RYR3: variants seen among roughly 807,000 people sequenced by gnomAD.
RYR3 encodes ryanodine receptor 3, also known as brain ryanodine receptor-calcium release channel.
RYR3 carries 207 observed loss-of-function variants against 584.3 expected under a neutral mutation model. The ratio of observed to expected loss-of-function variants is 0.35; its 90% CI spans 0.32 to 0.40. RYR3 has a LOEUF of 0.40. Among genes scored for constraint, RYR3 ranks in the 10% least tolerant of loss-of-function variants. The pLI is 1.00. For missense variants in RYR3, 5,616 were observed against 6,089.2 expected (o/e 0.92, Z 2.59); for synonymous variants, 2,416 against 2,248.5 (o/e 1.07, Z -2.11).
At chr15:33,395,354 C>T (rs1009288783) in intron 1 of RYR3, among the ~76,000 whole-genome samples, 3 of 152,154 alleles carry the variant, frequency 2.0e-5, no homozygotes, top group African/African-American at 7.2e-5. Flanking sequence ...ACCCACAGTC[C>T]CTGGAGCACT....
chr15:33,808,256 G>A (rs1481084384), intron 70 of RYR3, among the ~76,000 whole-genome samples: 1 of 152,216 alleles, frequency 6.6e-6, no homozygotes, highest in African/African-American at 2.4e-5. Flanking sequence ...TACTTGCTAT[G>A]TGATCTTGGA....
rs780150644 is a variant in RYR3 at position 33,580,049 on chromosome 15, G to A, written c.1342G>A (p.Ala448Thr). The change falls in exon 13 of 104, where the codon GCC (alanine) becomes ACC (threonine). Residue 448 changes from alanine (A) to threonine (T), a missense_variant. Around this residue, in one of 9 missense-constraint regions of RYR3, gnomAD observed 1,284 missense variants for 1,344.6 expected, o/e 0.95. Coordinates refer to ENST00000634891, the MANE Select transcript of RYR3 (RefSeq NM_001036.6). The stretch of plus-strand genomic sequence containing the variant: ...CCTGCAGACCCTACAGGACTTGATC[G>A]CCTACTTCCAGCCCCCAGAGGAGGA... ...EVLQTLQDLI[A>T]YFQPPEEEMR... 4.2e-5 allele frequency: 68 copies of A among 1,613,546 alleles called. No individual in the cohort carries two copies. Among genetic ancestry groups the A allele is most frequent in the Non-Finnish European group, 5.1e-5 (60 of 1,179,744 alleles).
chr15:33,827,113 T>C (rs1241749325), intron 84 of RYR3, 86 bp from the exon 85 acceptor site: 5 of 1,084,052 alleles, frequency 4.6e-6, no homozygotes, highest in Non-Finnish European at 6.9e-6. Flanking sequence ...TCACATAGAA[T>C]GTCTTATCTG....
chr15:33,614,876 A>G (rs2060373794), intron 19 of RYR3, among the ~76,000 whole-genome samples: 1 of 152,140 alleles, frequency 6.6e-6, no homozygotes, highest in South Asian at 2.1e-4. Context: ...AGTACCACCT[A>G]GAGATAATCA....
At chr15:33,786,545 A>G (rs149853699) in intron 66 of RYR3, among the ~76,000 whole-genome samples, 8 of 151,492 alleles carry the variant, frequency 5.3e-5, no homozygotes, top group South Asian at 2.1e-4. Flanking sequence ...AATGAATGCT[A>G]TTAGCCAATT....
intron 12 of RYR3, among the ~76,000 whole-genome samples, chr15:33,575,302 C>T (rs953537326): frequency 2.6e-5 from 4 of 152,164 alleles, no homozygotes; most frequent in South Asian, 2.1e-4. Flanking sequence ...TAACTCTCCA[C>T]GCAAAAACAA....
intron 86 of RYR3, among the ~76,000 whole-genome samples, chr15:33,831,828 C>G (rs2077695622): frequency 6.6e-6 from 1 of 151,946 alleles, no homozygotes; most frequent in Non-Finnish European, 1.5e-5. Flanking sequence ...CTTCAGATTA[C>G]CATAATCAGG....
intron 70 of RYR3, 103 bp downstream of exon 70, chr15:33,807,672 A>C: frequency 8.1e-7 from 1 of 1,235,980 alleles, no homozygotes. Context: ...TAGAGAATGG[A>C]TTTTCCCGCC....
rs545099628 is a variant in RYR3, at chr15:33,832,250, C to T, written c.11463+1159C>T. 8.7e-4 allele frequency among the ~76,000 whole-genome samples: 87 copies of T among 99,472 alleles called. 1 individual carries two copies. The highest frequency in any genetic ancestry group is 2.6e-3 in the African/African-American group (85 of 32,412). 65.3% of individuals were successfully genotyped at this position (99,472 alleles called of 152,430 possible). A position where few individuals can be genotyped will look rare whatever the true frequency, so the allele number is the denominator to read the frequency against. Reference sequence around the variant, plus strand: ...CAGAGCTTGCTGTGAGCTGAGATCGCGCCGCCGCACTCCAACCTGGGCGAC... The same window carrying T: ...CAGAGCTTGCTGTGAGCTGAGATCGTGCCGCCGCACTCCAACCTGGGCGAC... On this transcript the variant is annotated intron_variant, in intron 86 of 103. Coordinates refer to ENST00000634891, the MANE Select transcript of RYR3 (RefSeq NM_001036.6).
chr15:33,725,154 T>TACACACACACACACACACACACACACAC, intron 45 of RYR3, among the ~76,000 whole-genome samples: 1 of 113,846 alleles, frequency 8.8e-6, no homozygotes, highest in Non-Finnish European at 1.8e-5. Context: ...TCCAACACCT[T>TACACACACACACACACACACACACACAC]ACACACACAC....
chr15:33,440,007 G>A (rs1322834688), intron 1 of RYR3, among the ~76,000 whole-genome samples: 1 of 152,162 alleles, frequency 6.6e-6, no homozygotes, highest in African/African-American at 2.4e-5. Context: ...TTGAGTCTAG[G>A]CTGGGCATGG....
At chr15:33,620,755 AC>A (rs1184693030) in intron 19 of RYR3, among the ~76,000 whole-genome samples, 2 of 151,890 alleles carry the variant, frequency 1.3e-5, no homozygotes, top group Admixed American at 1.3e-4. Context: ...CTTCTCACGG[AC>A]TCTGGGTAGT....
At position 33,859,669 on chromosome 15, in the gene RYR3, G is replaced by A. The variant is rs1165592216; in HGVS notation, c.14237G>A (p.Arg4746His). 2.5e-6 allele frequency: 4 copies of A among 1,613,810 alleles called. No homozygotes were observed. The highest frequency in any genetic ancestry group is 2.5e-6 in the Non-Finnish European group (3 of 1,179,820). Residue 4746 changes from arginine (R) to histidine (H), a missense_variant, in exon 100 of 104, where the codon CGC (arginine) becomes CAC (histidine). Physicochemically the swap from Arg to His is conservative, Grantham distance 29. Coordinates refer to ENST00000634891, the MANE Select transcript of RYR3 (RefSeq NM_001036.6). ...GCTGGTGATCCTTATGAAATGTATC[G>A]CATTGTCTTTGACATTACCTTTTTC... ...DPAGDPYEMYRIVFDITFFFF... is the reference protein window; with the variant it reads ...DPAGDPYEMYHIVFDITFFFF...
rs368923151 is a variant in RYR3 at position 33,663,533 on chromosome 15, G to A, written c.5419-4G>A. On this transcript the variant is annotated splice_region_variant and splice_polypyrimidine_tract_variant and intron_variant, in intron 35 of 103. Coordinates refer to ENST00000634891, the MANE Select transcript of RYR3 (RefSeq NM_001036.6). ...GTGTTATCTATATAATACTTTCATT[G>A]CAGATGTGTGAGCTCCTCAGCTATC... 2.5e-6 allele frequency: 4 copies of A among 1,612,934 alleles called. No homozygotes were observed. The highest frequency in any genetic ancestry group is 3.4e-6 in the Non-Finnish European group (4 of 1,179,450).
At chr15:33,822,017 C>CCATTCATTCATTCATCCATTCATT (rs2077135134) in intron 80 of RYR3, among the ~76,000 whole-genome samples, 1 of 151,414 alleles carries the variant, frequency 6.6e-6, no homozygotes, top group African/African-American at 2.4e-5. Context: ...GTTCGTTCAT[C>CCATTCATTCATTCATCCATTCATT]CATTCATTCA....
At chr15:33,559,908 G>T (rs2057311251) in intron 10 of RYR3, among the ~76,000 whole-genome samples, 1 of 152,220 alleles carries the variant, frequency 6.6e-6, no homozygotes, top group African/African-American at 2.4e-5. Context: ...TAAAGGCCCA[G>T]AGAAGGGGAA....
At chr15:33,778,160 ACT>A (rs1251804324) in intron 64 of RYR3, among the ~76,000 whole-genome samples, 3 of 145,296 alleles carry the variant, frequency 2.1e-5, no homozygotes, top group Admixed American at 1.4e-4. Context: ...ACAGAGCAAG[ACT>A]CTGTCTCAAA....
intron 43 of RYR3, among the ~76,000 whole-genome samples, chr15:33,712,302 G>T (rs900519989): frequency 1.3e-5 from 2 of 152,166 alleles, no homozygotes; most frequent in African/African-American, 4.8e-5. Context: ...TGAGATTTGG[G>T]CAGGGACAAA....
At chr15:33,522,277 T>A (rs2054057385) in intron 3 of RYR3, among the ~76,000 whole-genome samples, 1 of 151,064 alleles carries the variant, frequency 6.6e-6, no homozygotes, top group Admixed American at 6.6e-5. Context: ...AAAAAAAAAA[T>A]TCTGTTTCAT....
Sources: gnomAD v4.1 joint callset for allele counts (sites outside exome capture counted in the v4.1 genomes callset) on GRCh38, gnomAD v4.1.1 for gene constraint, gnomAD v4.1.1 regional missense constraint, MANE v1.5 for transcripts, NCBI Gene and HGNC (gene_info 2026-07-23, HGNC 2026-07-21) for gene names.